Variants in MCM6 observed in about 807,000 individuals in gnomAD.
The protein encoded by MCM6 is DNA replication licensing factor MCM6.
In MCM6, 46 loss-of-function variants were observed where a neutral mutation model predicts 94.3. The observed-to-expected ratio is 0.49, with a 90% confidence interval of 0.39 to 0.62. MCM6 has a LOEUF of 0.62. Ranked by LOEUF, MCM6 falls within the 20% of genes least tolerant of loss-of-function variation. The pLI is 0.00. For missense variants in MCM6, 865 were observed against 1,017.9 expected (o/e 0.85, Z 2.04); for synonymous variants, 335 against 351.9 (o/e 0.95, Z 0.54).
At chr2:135,862,836 C>T in intron 7 of MCM6, 88 bp from the exon 8 acceptor site, 1 of 1,407,476 alleles carries the variant, frequency 7.1e-7, no homozygotes, top group African/African-American at 1.4e-5. Context: ...GCATGTTTAC[C>T]AACCGAAAGG....
chr2:135,849,679 G>A (rs1679737284), intron 13 of MCM6, among the ~76,000 whole-genome samples: 1 of 152,132 alleles, frequency 6.6e-6, no homozygotes, highest in South Asian at 2.1e-4. Context: ...AAGACTCAAT[G>A]AACAGAATGG....
Position 135,872,858 on chromosome 2 carries a change from G to C in MCM6, c.108-15C>G, listed in dbSNP as rs766644436. 8 of 1,612,822 alleles carry C rather than the reference G, an allele frequency of 5.0e-6. No individual in the cohort carries two copies. Among genetic ancestry groups the C allele is most frequent in the Non-Finnish European group, 6.8e-6 (8 of 1,179,524 alleles). On this transcript the variant is annotated splice_polypyrimidine_tract_variant and intron_variant, in intron 1 of 16. Coordinates refer to ENST00000264156, the MANE Select transcript of MCM6 (RefSeq NM_005915.6). ...TGCTCTGAAACCTGCAGGTACATTC[G>C]AGTCAACTAGATTAAGGACACAGGC...
intron 8 of MCM6, among the ~76,000 whole-genome samples, chr2:135,860,425 C>T (rs1025007635): frequency 2.6e-5 from 4 of 152,142 alleles, no homozygotes; most frequent in Admixed American, 1.3e-4. Flanking sequence ...TGAGCCACCG[C>T]GCCCAGCTAA....
intron 8 of MCM6, 50 bp from the exon 9 acceptor site, chr2:135,859,492 C>A: frequency 1.5e-6 from 2 of 1,344,676 alleles, no homozygotes; most frequent in South Asian, 2.8e-5. Flanking sequence ...TTATACAGCA[C>A]CCTTCCCAGG....
chr2:135,854,146 G>A (rs893778596), intron 11 of MCM6, among the ~76,000 whole-genome samples: 3 of 152,046 alleles, frequency 2.0e-5, no homozygotes, highest in Non-Finnish European at 4.4e-5. Context: ...AGGCTGGCTT[G>A]AGCCCAGGAG....
Position 135,866,545 on chromosome 2 carries a change from G to C in MCM6, c.781+18C>G. 6.3e-7 allele frequency: 1 copy of C among 1,595,666 alleles called. No homozygotes were observed. On this transcript the variant is annotated intron_variant, in intron 5 of 16. Transcript: ENST00000264156. ...AGGTAACTGAGAATTTGTTAAATTT[G>C]AGCCACAGATTACTGACCTGGTGTG...
At chr2:135,853,602 T>A (rs1679815420) in intron 11 of MCM6, among the ~76,000 whole-genome samples, 1 of 152,150 alleles carries the variant, frequency 6.6e-6, no homozygotes, top group South Asian at 2.1e-4. Context: ...CATGGGCAAA[T>A]TGAGGCCTAG....
chr2:135,859,113 C>T (rs974438471), intron 9 of MCM6, among the ~76,000 whole-genome samples, 188 bp downstream of exon 9: 8 of 152,064 alleles, frequency 5.3e-5, no homozygotes, highest in African/African-American at 1.7e-4. Flanking sequence ...AGGCTGGTCT[C>T]GAACTCCTGA....
chr2:135,857,974 T>C lies in MCM6; in HGVS notation c.1393A>G (p.Met465Val), dbSNP rs778143791. 8 of 1,613,728 alleles carry C rather than the reference T, an allele frequency of 5.0e-6. No homozygotes were observed. The highest frequency in any genetic ancestry group is 5.9e-6 in the Non-Finnish European group (7 of 1,180,034). Residue 465 changes from methionine (M) to valine (V), a missense_variant, in exon 10 of 17, where the codon ATG becomes GTG. This residue lies in a region of MCM6 where 153 missense variants were observed against 241.5 expected (regional missense o/e 0.63). Transcript: ENST00000264156. ...ATAGCAACTTGATCCCGCACGTCCATCTTATCAAATTCATCAATACAACAC... is the reference window on the plus strand; with the variant it reads ...ATAGCAACTTGATCCCGCACGTCCACCTTATCAAATTCATCAATACAACAC... ...GVCCIDEFDK[M>V]DVRDQVAIHE... is the part of the protein sequence containing the mutation.
rs564036914 is a variant in MCM6, at chr2:135,852,891, G to T, written c.1651C>A (p.Arg551Ser). 3 of 1,608,200 alleles carry T rather than the reference G, an allele frequency of 1.9e-6. No individual in the cohort carries two copies. The highest frequency in any genetic ancestry group is 2.5e-6 in the Non-Finnish European group (3 of 1,177,712). The change falls in exon 12 of 17, where the codon CGC (arginine) becomes AGC (serine). Residue 551 changes from arginine to serine, a missense_variant. By Grantham distance (110) the Arg-to-Ser change is moderately radical (BLOSUM62 -1). This residue lies in a region of MCM6 where 153 missense variants were observed against 241.5 expected (regional missense o/e 0.63). Coordinates refer to ENST00000264156, the MANE Select transcript of MCM6 (RefSeq NM_005915.6). ...NEVTDYAIARRIVDLHSRIEE... is the reference protein window; with the variant it reads ...NEVTDYAIARSIVDLHSRIEE... ...ATTCTTGAATGCAAATCTACTATGC[G>T]CCTGGCAATGGCATAATCTGTAACC...
At position 135,868,660 on chromosome 2, in the gene MCM6, C is replaced by G. The variant is rs140329818; in HGVS notation, c.566G>C (p.Arg189Thr). ...TTTATTTGTATCCAGTAAGAATCTC[C>G]TCCTGTTGGCACAAACTGGATTTCG... ...ICRNPVCANR[R>T]RFLLDTNKSR... is the part of the protein sequence containing the mutation. The change falls in exon 4 of 17, where the codon AGG (arginine) becomes ACG (threonine). Residue 189 changes from arginine to threonine, a missense_variant. By Grantham distance (71) the Arg-to-Thr change is moderately conservative (BLOSUM62 -1). This residue lies in a region of MCM6 where 404 missense variants were observed against 451.9 expected (regional missense o/e 0.89). Coordinates refer to ENST00000264156, the MANE Select transcript of MCM6 (RefSeq NM_005915.6). The G allele has an allele frequency of 6.2e-7, 1 of 1,614,152 alleles. No individual in the cohort carries two copies. Among genetic ancestry groups the G allele is most frequent in the South Asian group, 1.1e-5 (1 of 91,080 alleles).
Position 135,866,679 on chromosome 2 carries a change from CG to C in MCM6, c.664del (p.Arg222AlafsTer3). Reference protein sequence around the residue: ...QAELPRGSIPRSLEVILRAEA... With the variant: ...QAELPRGSIPXSLEVILRAEA... ...AGCCCTTAAAATTACTTCTAAACTGCGGGGGATACTCCCTCGAGGAAGCTCA... is the reference window on the plus strand; with the variant it reads ...AGCCCTTAAAATTACTTCTAAACTGCGGGGATACTCCCTCGAGGAAGCTCA... On this transcript the variant is annotated frameshift_variant, in exon 5 of 17. Coordinates refer to ENST00000264156, the MANE Select transcript of MCM6 (RefSeq NM_005915.6). LOFTEE classifies it high-confidence loss of function. 3 of 1,613,898 alleles carry C rather than the reference CG, an allele frequency of 1.9e-6. No individual in the cohort carries two copies. Among genetic ancestry groups the C allele is most frequent in the Non-Finnish European group, 2.5e-6 (3 of 1,179,952 alleles).
chr2:135,846,706 A>G (rs778921941), intron 14 of MCM6, among the ~76,000 whole-genome samples: 3 of 152,108 alleles, frequency 2.0e-5, no homozygotes, highest in Non-Finnish European at 4.4e-5. Context: ...AATAAAAATG[A>G]AAAACAAAAT....
chr2:135,853,139 T>C (rs1210798945), intron 11 of MCM6, among the ~76,000 whole-genome samples: 4 of 152,186 alleles, frequency 2.6e-5, no homozygotes, highest in African/African-American at 7.2e-5. Flanking sequence ...CCTGAAGGAA[T>C]TGATTGGCTT....
intron 14 of MCM6, among the ~76,000 whole-genome samples, chr2:135,846,728 G>A (rs752654442): frequency 6.6e-6 from 1 of 152,084 alleles, no homozygotes; most frequent in Admixed American, 6.6e-5. Flanking sequence ...AACCGGCTAG[G>A]TGCAGTGGCT....
chr2:135,866,000 G>A, intron 6 of MCM6, 132 bp downstream of exon 6: 5 of 1,042,916 alleles, frequency 4.8e-6, no homozygotes, highest in Non-Finnish European at 6.8e-6. Flanking sequence ...TACTCAGGAG[G>A]TTGAGATGGT....
chr2:135,865,093 T>G lies in MCM6; in HGVS notation c.998A>C (p.Glu333Ala). 6.3e-7 allele frequency: 1 copy of G among 1,583,620 alleles called. No individual in the cohort carries two copies. The highest frequency in any genetic ancestry group is 8.6e-7 in the Non-Finnish European group (1 of 1,165,448). Reference sequence around the variant, plus strand: ...ACTCATCTCAAACACTTTCTCCCATTCTTTCACAGTCATTTGGTTCTTAAT... The same window carrying G: ...ACTCATCTCAAACACTTTCTCCCATGCTTTCACAGTCATTTGGTTCTTAAT... Reference protein sequence around the residue: ...ESIKNQMTVKEWEKVFEMSQD... With the variant: ...ESIKNQMTVKAWEKVFEMSQD... The change falls in exon 7 of 17, where the codon GAA (glutamate) becomes GCA (alanine). Residue 333 changes from glutamate to alanine, a missense_variant. Glu to Ala is a moderately radical substitution (Grantham distance 107). Coordinates refer to ENST00000264156, the MANE Select transcript of MCM6 (RefSeq NM_005915.6).
intron 16 of MCM6, 21 bp downstream of exon 16, chr2:135,844,524 C>A: frequency 6.8e-7 from 1 of 1,471,596 alleles, no homozygotes. Flanking sequence ...GATACCAGAG[C>A]ACGCGCACTT....
chr2:135,856,784 C>T lies in MCM6; in HGVS notation c.1570G>A (p.Ala524Thr). Reference protein sequence around the residue: ...KSLKQNINLSAPIMSRFDLFF... With the variant: ...KSLKQNINLSTPIMSRFDLFF... ...AGATCGAATCGGGACATGATGGGAG[C>T]TGACAAATTTATATTCTGTTTCAAT... The change falls in exon 11 of 17, where the codon GCT (alanine) becomes ACT (threonine). Residue 524 changes from alanine to threonine, a missense_variant. Physicochemically the swap from Ala to Thr is moderately conservative, Grantham distance 58. Coordinates refer to ENST00000264156, the MANE Select transcript of MCM6 (RefSeq NM_005915.6). 2 of 1,614,184 alleles carry T rather than the reference C, an allele frequency of 1.2e-6. No individual in the cohort carries two copies. The highest frequency in any genetic ancestry group is 1.7e-6 in the Non-Finnish European group (2 of 1,180,024).
Sources: allele counts gnomAD v4.1 joint callset (sites outside exome capture counted in the v4.1 genomes callset), GRCh38; gene constraint gnomAD v4.1.1; regional missense constraint gnomAD v4.1.1; transcripts MANE v1.5; gene names NCBI Gene and HGNC (gene_info 2026-07-23, HGNC 2026-07-21).